Variants in UBE2D3 observed in about 807,000 individuals in gnomAD.
The protein encoded by UBE2D3 is ubiquitin conjugating enzyme E2 D3.
Under a neutral mutation model 22.8 loss-of-function variants are expected in UBE2D3, and 2 were observed. That is an observed-to-expected ratio of 0.09 (90% CI 0.04 to 0.28). UBE2D3 has a LOEUF of 0.28. Among genes scored for constraint, UBE2D3 ranks in the 10% least tolerant of loss-of-function variants. The probability of loss-of-function intolerance (pLI) is 1.00; values close to 1 mark genes in which losing one functional copy is unlikely to be tolerated. For synonymous variants in UBE2D3, 56 were observed against 60.4 expected (o/e 0.93, Z 0.34); for missense variants, 27 against 182.5 (o/e 0.15, Z 4.91).
exon 1 of UBE2D3, chr4:102,868,825 G>A: frequency 6.3e-7 from 1 of 1,598,094 alleles, no homozygotes; most frequent in Non-Finnish European, 8.6e-7. Flanking sequence ...CCAAGAGGAG[G>A]GCCACCTTCA....
chr4:102,805,467 T>A (rs1359911544), intron 4 of UBE2D3, among the ~76,000 whole-genome samples: 1 of 151,892 alleles, frequency 6.6e-6, no homozygotes, highest in Non-Finnish European at 1.5e-5. Context: ...GTGCCTCAGC[T>A]CTTCTGTGGC....
Position 102,851,365 on chromosome 4 carries a change from A to G in UBE2D3, c.-129+17350T>C, listed in dbSNP as rs755849248. On this transcript the variant is annotated intron_variant, in intron 1 of 7. Coordinates refer to the UBE2D3 transcript ENST00000338145. ...AACACTGCACTGAGACCACTATGTT[A>G]TAAATCTGGGAGTGAAAGACAGTGT... Among the ~76,000 whole-genome samples, 5 of 152,358 alleles carry G rather than the reference A, an allele frequency of 3.3e-5. No individual in the cohort carries two copies. The Middle Eastern group carries it at 0.014, about 415-fold the overall frequency.
At chr4:102,806,498 C>T (rs1727066262) in intron 4 of UBE2D3, among the ~76,000 whole-genome samples, 1 of 151,880 alleles carries the variant, frequency 6.6e-6, no homozygotes, top group African/African-American at 2.4e-5. Context: ...CATAATAATA[C>T]ACTTGAAAAA....
intron 6 of UBE2D3, among the ~76,000 whole-genome samples, chr4:102,800,954 T>C (rs1465147123): frequency 6.6e-6 from 1 of 151,990 alleles, no homozygotes; most frequent in Non-Finnish European, 1.5e-5. Context: ...CTTTCGAAGA[T>C]TATATAATTT....
intron 1 of UBE2D3, among the ~76,000 whole-genome samples, chr4:102,833,872 T>C (rs1731245424): frequency 6.6e-6 from 1 of 152,144 alleles, no homozygotes; most frequent in African/African-American, 2.4e-5. Context: ...AAATGCTCCA[T>C]AGAATTCCAA....
chr4:102,867,779 A>G (rs1264884682), intron 1 of UBE2D3, among the ~76,000 whole-genome samples: 3 of 152,228 alleles, frequency 2.0e-5, no homozygotes, highest in Non-Finnish European at 1.5e-5. Context: ...CCTGGGCGAT[A>G]GAGCGAAACC....
intron 1 of UBE2D3, among the ~76,000 whole-genome samples, chr4:102,865,083 A>C (rs1053247347): frequency 6.6e-6 from 1 of 152,234 alleles, no homozygotes; most frequent in Non-Finnish European, 1.5e-5. Flanking sequence ...AACACAGGTG[A>C]ATACCTTTGT....
In UBE2D3 at chr4:102,827,433, GCC is replaced by G. The variant is rs1210556035; in HGVS notation, c.-137_-136del. The G allele has an allele frequency of 1.0e-6, 1 of 986,076 alleles. No homozygotes were observed. Among genetic ancestry groups the G allele is most frequent in the Non-Finnish European group, 1.2e-6 (1 of 830,182 alleles). 61.1% of individuals were successfully genotyped at this position (986,076 alleles called of 1,614,324 possible). A position where few individuals can be genotyped will look rare whatever the true frequency, so the allele number is the denominator to read the frequency against. ...CGTCCACACCCACGCGTACAGAGGG[GCC>G]GGGGCCTCCCTCAAGCTGCGGCCTC... is the stretch of plus-strand genomic sequence containing the variant. On this transcript the variant is annotated 5_prime_UTR_variant, in exon 1 of 8. Coordinates refer to ENST00000453744, the MANE Select transcript of UBE2D3 (RefSeq NM_181891.3).
chr4:102,828,444 A>G (rs1422585482), upstream of UBE2D3, among the ~76,000 whole-genome samples: 3 of 151,982 alleles, frequency 2.0e-5, no homozygotes, highest in African/African-American at 4.8e-5. Flanking sequence ...CACGTGCTGA[A>G]GTCTAGTGCA....
chr4:102,844,021 C>T (rs1334094623), intron 1 of UBE2D3: 1 of 152,172 alleles, frequency 6.6e-6, no homozygotes, highest in Non-Finnish European at 1.5e-5. Flanking sequence ...GTATTAATTT[C>T]TTCCGAAGAA....
chr4:102,858,638 ATAAAG>A (rs1190685308), intron 1 of UBE2D3, among the ~76,000 whole-genome samples: 2 of 151,994 alleles, frequency 1.3e-5, no homozygotes, highest in Non-Finnish European at 2.9e-5. Context: ...CCAAGTTACT[ATAAAG>A]TAATGGTTCT....
At position 102,826,909 on chromosome 4, in the gene UBE2D3, G is replaced by C. The variant is rs1026566483; in HGVS notation, c.-128-273C>G. The C allele has an allele frequency of 7.7e-6, 8 of 1,035,104 alleles. No individual in the cohort carries two copies. The African/African-American group carries it at 1.4e-4, about 18-fold the overall frequency. The allele number at this position is 1,035,104 out of a possible 1,614,324, so 64.1% of individuals were successfully genotyped here. ...AGGAGAAAGGGGTGGGTGCGGGGCA[G>C]GGTCCGGAGCCCAGCAGAGGAGGAG... On this transcript the variant is annotated intron_variant, in intron 1 of 7. Transcript: ENST00000453744.
chr4:102,798,279 A>AATATAT (rs10526258), intron 7 of UBE2D3, among the ~76,000 whole-genome samples: 2,183 of 111,858 alleles, frequency 0.02, 243 homozygotes, highest in East Asian at 0.092. Context: ...TTAAGAAATG[A>AATATAT]ATATATATAT....
chr4:102,853,677 T>C (rs1732490037), intron 1 of UBE2D3, among the ~76,000 whole-genome samples: 1 of 152,162 alleles, frequency 6.6e-6, no homozygotes, highest in African/African-American at 2.4e-5. Context: ...AAAGTATTAA[T>C]GGGATAGGTG....
intron 1 of UBE2D3, among the ~76,000 whole-genome samples, chr4:102,838,233 T>G (rs1344966401): frequency 6.6e-6 from 1 of 152,234 alleles, no homozygotes. Flanking sequence ...AAACCCACAG[T>G]ATCTCTGAGG....
rs189496198 is a variant in UBE2D3 at position 102,836,036 on chromosome 4, T to C, written c.-128-9400A>G. 1.5e-3 allele frequency among the ~76,000 whole-genome samples: 223 copies of C among 152,312 alleles called. 5 individuals carry two copies. The highest frequency in any genetic ancestry group is 0.014 in the Admixed American group (215 of 15,294). On this transcript the variant is annotated intron_variant, in intron 1 of 7. Coordinates refer to the UBE2D3 transcript ENST00000338145. ...ATTATTTTGAGACTTACCTATATTG[T>C]TGTCTCTCAGTAGTTCATTATCTTT... is the stretch of plus-strand genomic sequence containing the variant.
At chr4:102,819,683 T>G in intron 2 of UBE2D3, 1 of 721,898 alleles carries the variant, frequency 1.4e-6, no homozygotes, top group Non-Finnish European at 1.7e-6. Flanking sequence ...GATTCTACCT[T>G]TAAGACAGTA....
At chr4:102,804,305 G>C (rs150579312) in intron 4 of UBE2D3, among the ~76,000 whole-genome samples, 2 of 152,042 alleles carry the variant, frequency 1.3e-5, no homozygotes, top group Non-Finnish European at 2.9e-5. Flanking sequence ...TTGGATTACA[G>C]GTGTGCACCA....
At chr4:102,823,702 A>G (rs1388774294) in intron 2 of UBE2D3, among the ~76,000 whole-genome samples, 1 of 152,204 alleles carries the variant, frequency 6.6e-6, no homozygotes, top group African/African-American at 2.4e-5. Context: ...CCTATTTAAG[A>G]CCATATTACA....
Sources: gnomAD v4.1 joint callset for allele counts (sites outside exome capture counted in the v4.1 genomes callset) on GRCh38, gnomAD v4.1.1 for gene constraint, MANE v1.5 for transcripts, NCBI Gene and HGNC (gene_info 2026-07-23, HGNC 2026-07-21) for gene names.